CFAP299: variants seen among roughly 807,000 people sequenced by gnomAD.
The protein encoded by CFAP299 is cilia- and flagella-associated protein 299.
CFAP299 carries 21 observed loss-of-function variants against 27.0 expected under a neutral mutation model. That is an observed-to-expected ratio of 0.78 (90% CI 0.55 to 1.12). The LOEUF (loss-of-function observed/expected upper bound fraction) is 1.12, where lower values mean the gene tolerates loss of function less well. Among genes scored for constraint, CFAP299 ranks in the 50% most tolerant of loss-of-function variants. The pLI is 0.00. For synonymous variants in CFAP299, 104 were observed against 98.1 expected, an observed-to-expected ratio of 1.06 and a Z score of -0.36; for missense variants, 310 against 276.6, an observed-to-expected ratio of 1.12 and a Z score of -0.86.
chr4:80,602,978 T>C (rs1233934811), intron 3 of CFAP299, among the ~76,000 whole-genome samples: 1 of 152,120 alleles, frequency 6.6e-6, no homozygotes, highest in African/African-American at 2.4e-5. Context: ...CCATGCTGTA[T>C]TTGCACTATG....
chr4:80,459,781 A>G (rs144478107), intron 2 of CFAP299, among the ~76,000 whole-genome samples: 338 of 152,298 alleles, frequency 2.2e-3, no homozygotes, highest in Non-Finnish European at 4.0e-3. Context: ...TGTTAGGTCC[A>G]GAGTTCCCTT....
At chr4:80,774,428 A>T (rs1726405417) in intron 3 of CFAP299, among the ~76,000 whole-genome samples, 1 of 151,954 alleles carries the variant, frequency 6.6e-6, no homozygotes, top group African/African-American at 2.4e-5. Flanking sequence ...GTATCAATTT[A>T]TATTTTTTCT....
intron 2 of CFAP299, among the ~76,000 whole-genome samples, chr4:80,514,396 G>T (rs1231403104): frequency 6.6e-6 from 1 of 151,990 alleles, no homozygotes; most frequent in Non-Finnish European, 1.5e-5. Context: ...AACTTTAAAT[G>T]TCCATAATAG....
chr4:80,546,914 T>C (rs1734259585), intron 2 of CFAP299, among the ~76,000 whole-genome samples: 1 of 152,104 alleles, frequency 6.6e-6, no homozygotes, highest in Non-Finnish European at 1.5e-5. Context: ...TGGTCTAACA[T>C]AGATAGGAAG....
chr4:80,946,427 C>T (rs1452564759), intron 5 of CFAP299, among the ~76,000 whole-genome samples: 1 of 152,076 alleles, frequency 6.6e-6, no homozygotes, highest in East Asian at 1.9e-4. Flanking sequence ...TCCCCTGATG[C>T]CTTTAAAGGG....
intron 5 of CFAP299, among the ~76,000 whole-genome samples, chr4:80,959,871 G>C (rs1444615239): frequency 1.3e-5 from 2 of 151,662 alleles, no homozygotes; most frequent in Non-Finnish European, 3.0e-5. Flanking sequence ...TAAGATCAGG[G>C]TACCAGAGAA....
chr4:80,605,826 T>C (rs576805882), intron 3 of CFAP299, among the ~76,000 whole-genome samples: 1 of 152,320 alleles, frequency 6.6e-6, no homozygotes. Context: ...TATTGCCTAT[T>C]ATTTTTATTA....
intron 2 of CFAP299, among the ~76,000 whole-genome samples, chr4:80,523,684 A>C (rs1376599363): frequency 1.3e-5 from 2 of 152,152 alleles, no homozygotes; most frequent in Non-Finnish European, 2.9e-5. Flanking sequence ...CTGCCTTCAA[A>C]TATTAACATC....
chr4:80,390,610 C>CAT (rs1416961189), intron 2 of CFAP299, among the ~76,000 whole-genome samples: 888 of 28,228 alleles, frequency 0.031, 5 homozygotes, highest in South Asian at 0.04. Flanking sequence ...TGTATACACA[C>CAT]ATATGTATAT....
intron 2 of CFAP299, among the ~76,000 whole-genome samples, chr4:80,487,633 G>A (rs1403504785): frequency 6.6e-6 from 1 of 152,182 alleles, no homozygotes; most frequent in Non-Finnish European, 1.5e-5. Context: ...GGGAGATCAA[G>A]CTGTGTGTGC....
At chr4:80,851,663 A>G (rs1731528616) in intron 3 of CFAP299, among the ~76,000 whole-genome samples, 1 of 152,160 alleles carries the variant, frequency 6.6e-6, no homozygotes, top group Admixed American at 6.6e-5. Context: ...AAACAATTGG[A>G]AAAATCAAGT....
chr4:80,731,065 C>A (rs911206008), intron 3 of CFAP299, among the ~76,000 whole-genome samples: 7 of 152,190 alleles, frequency 4.6e-5, no homozygotes, highest in African/African-American at 1.7e-4. Flanking sequence ...GACTCACAAA[C>A]ATGATATCTA....
At chr4:80,739,185 G>T (rs1469659983) in intron 3 of CFAP299, among the ~76,000 whole-genome samples, 2 of 152,088 alleles carry the variant, frequency 1.3e-5, no homozygotes, top group Non-Finnish European at 2.9e-5. Flanking sequence ...CTTAAGTCAA[G>T]AATAGTTTAC....
intron 4 of CFAP299, among the ~76,000 whole-genome samples, chr4:80,937,308 C>CTTTTTTTTTTTTTTTTTTTTTTTTTTTTT (rs1736948672): frequency 2.2e-5 from 2 of 90,820 alleles, no homozygotes; most frequent in East Asian, 3.5e-4. Context: ...CTTTTTTTTT[C>CTTTTTTTTTTTTTTTTTTTTTTTTTTTTT]TTTCTTTTTT....
intron 3 of CFAP299, among the ~76,000 whole-genome samples, chr4:80,620,287 A>C (rs144279576): frequency 4.8e-4 from 73 of 152,250 alleles, no homozygotes; most frequent in Admixed American, 9.2e-4. Flanking sequence ...TGGTATATTA[A>C]GAGAAGTAAT....
rs190680434 is a variant in CFAP299 at position 80,688,054 on chromosome 4, C to G, written c.333+104871C>G. 2.0e-4 allele frequency among the ~76,000 whole-genome samples: 31 copies of G among 152,316 alleles called. No individual in the cohort carries two copies. In the East Asian group the frequency reaches 2.7e-3, roughly 13 times the overall value. Reference sequence around the variant, plus strand: ...GGAGGGTCCTACACCCACGGAGTCTCGCTGATTGGTAGCACAGCAGTCTGA... The same window carrying G: ...GGAGGGTCCTACACCCACGGAGTCTGGCTGATTGGTAGCACAGCAGTCTGA... On this transcript the variant is annotated intron_variant, in intron 3 of 5. Coordinates refer to ENST00000358105, the MANE Select transcript of CFAP299 (RefSeq NM_152770.3).
At chr4:80,540,953 C>T (rs1733968595) in intron 2 of CFAP299, among the ~76,000 whole-genome samples, 1 of 152,034 alleles carries the variant, frequency 6.6e-6, no homozygotes, top group South Asian at 2.1e-4. Flanking sequence ...TGATAATTAC[C>T]AGAGCCTCTA....
intron 4 of CFAP299, among the ~76,000 whole-genome samples, chr4:80,906,043 G>A (rs1024668563): frequency 6.6e-6 from 1 of 152,112 alleles, no homozygotes; most frequent in African/African-American, 2.4e-5. Context: ...ATAAGGCAAG[G>A]CCCTTCCACC....
At chr4:80,857,455 G>A (rs1731986565) in intron 3 of CFAP299, among the ~76,000 whole-genome samples, 1 of 152,110 alleles carries the variant, frequency 6.6e-6, no homozygotes, top group Admixed American at 6.5e-5. Flanking sequence ...GAATAGGAGT[G>A]GTGAGAGAGG....
Sources: gnomAD v4.1 joint callset for allele counts (sites outside exome capture counted in the v4.1 genomes callset) on GRCh38, gnomAD v4.1.1 for gene constraint, MANE v1.5 for transcripts, NCBI Gene and HGNC (gene_info 2026-07-23, HGNC 2026-07-21) for gene names.